LRRTM4: variants seen among roughly 807,000 people sequenced by gnomAD.
LRRTM4 encodes the protein leucine rich repeat transmembrane neuronal 4.
Under a neutral mutation model 47.6 loss-of-function variants are expected in LRRTM4, and 25 were observed. The observed-to-expected ratio is 0.53, with a 90% CI of 0.38 to 0.73. The LOEUF (loss-of-function observed/expected upper bound fraction) is 0.73, where lower values mean the gene tolerates loss of function less well. Among genes scored for constraint, LRRTM4 ranks in the 30% least tolerant of loss-of-function variants. The pLI, the probability that LRRTM4 is intolerant of heterozygous loss-of-function variation, is 0.00. For synonymous variants in LRRTM4, 311 were observed against 269.5 expected (o/e 1.15, Z -1.51); for missense variants, 638 against 713.4 (o/e 0.89, Z 1.20).
chr2:77,147,601 T>A (rs1360019277), intron 3 of LRRTM4, among the ~76,000 whole-genome samples: 1 of 152,164 alleles, frequency 6.6e-6, no homozygotes, highest in South Asian at 2.1e-4. Flanking sequence ...CTCTTTGTTA[T>A]TTTTTTCCAA....
intron 3 of LRRTM4, among the ~76,000 whole-genome samples, chr2:77,260,275 G>A (rs1162503872): frequency 6.6e-6 from 1 of 151,928 alleles, no homozygotes; most frequent in Non-Finnish European, 1.5e-5. Flanking sequence ...AAATATGAAC[G>A]AGTAAAAGTG....
intron 3 of LRRTM4, among the ~76,000 whole-genome samples, chr2:76,945,298 A>G (rs898994986): frequency 3.9e-5 from 6 of 152,084 alleles, no homozygotes; most frequent in African/African-American, 1.2e-4. Flanking sequence ...CCTAAGGAGC[A>G]TAGGATTTGC....
Position 76,958,998 on chromosome 2 carries a change from C to T in LRRTM4, c.1552-210082G>A, listed in dbSNP as rs550550418. On this transcript the variant is annotated intron_variant, in intron 3 of 3. Transcript: ENST00000409884. ...GGTGCTGAAAAGGGAAGCAGCCACACGGTCATTGTTTTTCGGAAAAGGGCC... is the reference window on the plus strand; with the variant it reads ...GGTGCTGAAAAGGGAAGCAGCCACATGGTCATTGTTTTTCGGAAAAGGGCC... Among the ~76,000 whole-genome samples, 113 of 151,632 alleles carry T rather than the reference C, an allele frequency of 7.5e-4. 3 individuals are homozygous for T. In the South Asian group the frequency reaches 0.022, roughly 29 times the overall value.
chr2:76,758,632 C>G (rs553913039), intron 3 of LRRTM4, among the ~76,000 whole-genome samples: 5 of 152,124 alleles, frequency 3.3e-5, no homozygotes, highest in Non-Finnish European at 7.4e-5. Context: ...ACAAATAATA[C>G]TGGTCTCATA....
rs544454416 is a variant in LRRTM4, at chr2:77,521,761, G to C, written c.-90C>G. 1.4e-6 allele frequency: 2 copies of C among 1,450,678 alleles called. No homozygotes were observed. The highest frequency in any genetic ancestry group is 2.3e-5 in the South Asian group (2 of 87,262). The allele number at this position is 1,450,678 out of a possible 1,614,324, so 89.9% of individuals were successfully genotyped here. On this transcript the variant is annotated 5_prime_UTR_variant, in exon 2 of 4. Coordinates refer to ENST00000409884, the MANE Select transcript of LRRTM4 (RefSeq NM_001134745.3). ...AAACCACCACCACCTTCATGACACAGTGCGGCTGTCATTCACACCATTCTG... is the reference window on the plus strand; with the variant it reads ...AAACCACCACCACCTTCATGACACACTGCGGCTGTCATTCACACCATTCTG...
chr2:76,955,162 A>T (rs985685069), intron 3 of LRRTM4, among the ~76,000 whole-genome samples: 1 of 151,872 alleles, frequency 6.6e-6, no homozygotes, highest in Non-Finnish European at 1.5e-5. Context: ...GATAAGGGTA[A>T]ATTTATAGAT....
intron 3 of LRRTM4, among the ~76,000 whole-genome samples, chr2:77,005,484 C>T (rs1378063185): frequency 6.6e-6 from 1 of 152,006 alleles, no homozygotes; most frequent in African/African-American, 2.4e-5. Context: ...TTAGGAGGGG[C>T]CAGGGGTGCA....
At chr2:77,268,167 G>A (rs534667499) in intron 3 of LRRTM4, among the ~76,000 whole-genome samples, 61 of 152,058 alleles carry the variant, frequency 4.0e-4, no homozygotes, top group Non-Finnish European at 7.1e-4. Flanking sequence ...TTTTCCAATT[G>A]AGCTCCAGGT....
rs141931293 is a variant in LRRTM4, at chr2:77,238,516, G to A, written c.1551+279802C>T. ...AACAGAGAACTACCCATGTTGCCTT[G>A]CCCTCTTTCCTCAAACCACACTAGC... On this transcript the variant is annotated intron_variant, in intron 3 of 3. Transcript: ENST00000409884. Among the ~76,000 whole-genome samples, 1,281 of 151,228 alleles carry A rather than the reference G, an allele frequency of 8.5e-3. 35 individuals carry two copies. The highest frequency in any genetic ancestry group is 0.053 in the Admixed American group (798 of 15,198).
rs887158441 is a variant in LRRTM4 at position 76,801,071 on chromosome 2, T to G, written c.1552-52155A>C. On this transcript the variant is annotated intron_variant, in intron 3 of 3. Coordinates refer to ENST00000409884, the MANE Select transcript of LRRTM4 (RefSeq NM_001134745.3). ...CACTTTTACACTGTTGGTGGGACTGTAAACTAGTTCGACCATTGTGGAAGT... is the reference window on the plus strand; with the variant it reads ...CACTTTTACACTGTTGGTGGGACTGGAAACTAGTTCGACCATTGTGGAAGT... 1.3e-4 allele frequency among the ~76,000 whole-genome samples: 20 copies of G among 150,706 alleles called. No homozygotes were observed. In the South Asian group the frequency reaches 1.5e-3, roughly 11 times the overall value.
intron 3 of LRRTM4, among the ~76,000 whole-genome samples, chr2:77,039,408 TA>T (rs1445724934): frequency 2.6e-5 from 4 of 151,156 alleles, no homozygotes; most frequent in Non-Finnish European, 4.5e-5. Flanking sequence ...AAGCTCTGTT[TA>T]AAAAAGTTAG....
intron 3 of LRRTM4, among the ~76,000 whole-genome samples, chr2:76,856,051 C>T (rs1018322085): frequency 5.3e-5 from 8 of 152,070 alleles, no homozygotes; most frequent in African/African-American, 1.2e-4. Flanking sequence ...CCAAGGTGGG[C>T]GGATTACCTG....
At chr2:77,116,590 G>A (rs979499871) in intron 3 of LRRTM4, among the ~76,000 whole-genome samples, 2 of 152,068 alleles carry the variant, frequency 1.3e-5, no homozygotes, top group Non-Finnish European at 2.9e-5. Context: ...TTGCTTGTGT[G>A]TAGCCCGACA....
intron 3 of LRRTM4, among the ~76,000 whole-genome samples, chr2:76,865,729 T>A (rs1672447925): frequency 6.6e-6 from 1 of 152,164 alleles, no homozygotes; most frequent in African/African-American, 2.4e-5. Context: ...TTACTCATAA[T>A]ATAGATATTG....
chr2:77,322,327 A>G (rs1189818315), intron 3 of LRRTM4, among the ~76,000 whole-genome samples: 2 of 152,136 alleles, frequency 1.3e-5, no homozygotes, highest in Non-Finnish European at 2.9e-5. Context: ...ATCCAAATAT[A>G]TCTCTTTAAG....
intron 3 of LRRTM4, among the ~76,000 whole-genome samples, chr2:77,007,065 A>G (rs1177112887): frequency 1.4e-5 from 2 of 147,908 alleles, no homozygotes; most frequent in East Asian, 3.9e-4. Flanking sequence ...AGTTTGAGTT[A>G]AAAAAAAAGA....
intron 3 of LRRTM4, among the ~76,000 whole-genome samples, chr2:77,477,842 CAAA>C (rs138492779): frequency 1.0e-5 from 1 of 97,152 alleles, no homozygotes; most frequent in Non-Finnish European, 2.0e-5. Flanking sequence ...AAAACTCCAT[CAAA>C]AAAAAAAAAA....
At chr2:76,934,006 C>T (rs1481974413) in intron 3 of LRRTM4, among the ~76,000 whole-genome samples, 1 of 152,122 alleles carries the variant, frequency 6.6e-6, no homozygotes, top group Non-Finnish European at 1.5e-5. Flanking sequence ...ATCTTCAAGT[C>T]AGTGGCTAAG....
At chr2:76,959,628 A>C (rs1487577747) in intron 3 of LRRTM4, among the ~76,000 whole-genome samples, 1 of 151,730 alleles carries the variant, frequency 6.6e-6, no homozygotes, top group African/African-American at 2.4e-5. Context: ...TCCTATTGGA[A>C]AATTTTCATG....
Sources: allele counts gnomAD v4.1 joint callset (sites outside exome capture counted in the v4.1 genomes callset), GRCh38; gene constraint gnomAD v4.1.1; transcripts MANE v1.5; gene names NCBI Gene and HGNC (gene_info 2026-07-23, HGNC 2026-07-21).